Variants in RAI2 observed in about 807,000 individuals in gnomAD.
RAI2 encodes the protein retinoic acid-induced protein 2.
RAI2 carries 5 observed loss-of-function variants against 15.3 expected under a neutral mutation model. The ratio of observed to expected loss-of-function variants is 0.33; its 90% CI spans 0.17 to 0.69. The LOEUF (loss-of-function observed/expected upper bound fraction) is 0.69. RAI2 is among the 30% of genes least tolerant of loss of function. The probability of loss-of-function intolerance (pLI) is 0.69; values close to 1 mark genes in which losing one functional copy is unlikely to be tolerated. For synonymous variants in RAI2, 191 were observed against 184.0 expected, an observed-to-expected ratio of 1.04 and a Z score of -0.31; for missense variants, 424 against 424.7, an observed-to-expected ratio of 1.00 and a Z score of 0.01.
At chrX:17,826,871 G>A (rs934276771) in intron 1 of RAI2, among the ~76,000 whole-genome samples, 33 of 111,946 alleles carry the variant, frequency 2.9e-4, no homozygotes, top group Middle Eastern at 4.6e-3. Flanking sequence ...ATAATTGTAA[G>A]TTTCCTGAGA....
At chrX:17,810,445 TTGAAA>T (rs1394228831) in intron 1 of RAI2, among the ~76,000 whole-genome samples, 2 of 112,771 alleles carry the variant, frequency 1.8e-5, no homozygotes, top group African/African-American at 6.4e-5. Context: ...AGATAAGTCA[TTGAAA>T]TGAAGAGATT....
intron 1 of RAI2, among the ~76,000 whole-genome samples, chrX:17,851,606 G>GCT (rs1441299948): frequency 9.0e-6 from 1 of 111,411 alleles, no homozygotes; most frequent in Admixed American, 9.5e-5. Flanking sequence ...TCCATTGATT[G>GCT]CTAGCCAATC....
intron 1 of RAI2, among the ~76,000 whole-genome samples, chrX:17,849,186 G>A (rs1211660034): frequency 8.9e-6 from 1 of 112,414 alleles, no homozygotes; most frequent in Non-Finnish European, 1.9e-5. Flanking sequence ...TTTGTCTAGA[G>A]GGAGGAAGAG....
chrX:17,856,635 C>T (rs770702840), intron 1 of RAI2, among the ~76,000 whole-genome samples: 3 of 112,619 alleles, frequency 2.7e-5, no homozygotes, highest in African/African-American at 9.7e-5. Context: ...CCATGTTTTG[C>T]GGTGCTGCCC....
At chrX:17,809,492 T>C (rs965775562) in intron 1 of RAI2, among the ~76,000 whole-genome samples, 1 of 112,027 alleles carries the variant, frequency 8.9e-6, no homozygotes, top group African/African-American at 3.2e-5. Flanking sequence ...ATAAAACTTA[T>C]TTATGTTTGT....
rs765964706 is a variant in RAI2 at position 17,850,167 on chromosome X, T to C, written c.-25+10931A>G. 6.2e-5 allele frequency among the ~76,000 whole-genome samples: 7 copies of C among 112,077 alleles called. No homozygotes were observed. In the South Asian group the frequency reaches 1.9e-3, roughly 30 times the overall value. ...ACTTTTATTCAACCTTATTAGGGAA[T>C]AAGGGGCCACTGAATGTTCTTGAGC... On this transcript the variant is annotated intron_variant, in intron 1 of 1. Coordinates refer to ENST00000451717, the MANE Select transcript of RAI2 (RefSeq NM_021785.6).
At chrX:17,837,896 T>C (rs1053103795) in intron 1 of RAI2, among the ~76,000 whole-genome samples, 1 of 112,363 alleles carries the variant, frequency 8.9e-6, no homozygotes, top group African/African-American at 3.2e-5. Flanking sequence ...GCAGCTTTAT[T>C]TGCAATAGCC....
At chrX:17,841,998 GTGGGC>G (rs2067403338) in intron 1 of RAI2, among the ~76,000 whole-genome samples, 1 of 112,093 alleles carries the variant, frequency 8.9e-6, no homozygotes, top group Non-Finnish European at 1.9e-5. Context: ...TAGAAAGAAA[GTGGGC>G]AAAGTACTAG....
chrX:17,809,092 G>T (rs1195952770), intron 1 of RAI2, among the ~76,000 whole-genome samples: 1 of 112,147 alleles, frequency 8.9e-6, no homozygotes, highest in African/African-American at 3.2e-5. Context: ...ATTACCACAT[G>T]AATGTAGTCT....
chrX:17,860,358 C>T (rs759340680), intron 1 of RAI2, among the ~76,000 whole-genome samples: 2 of 112,598 alleles, frequency 1.8e-5, no homozygotes, highest in African/African-American at 6.5e-5. Flanking sequence ...ATAACTCCCT[C>T]CGCAGCAAAA....
chrX:17,810,256 G>A (rs2067032470), intron 1 of RAI2, among the ~76,000 whole-genome samples: 2 of 111,834 alleles, frequency 1.8e-5, no homozygotes, highest in Non-Finnish European at 3.8e-5. Flanking sequence ...TTTAACACAC[G>A]AGCTATAGAG....
At chrX:17,855,141 G>T (rs1213535270) in intron 1 of RAI2, among the ~76,000 whole-genome samples, 1 of 112,018 alleles carries the variant, frequency 8.9e-6, no homozygotes, top group Non-Finnish European at 1.9e-5. Context: ...CATTTATTCT[G>T]TCTCCCTCGC....
At chrX:17,816,883 C>T (rs181117466) in intron 1 of RAI2, among the ~76,000 whole-genome samples, 1 of 111,346 alleles carries the variant, frequency 9.0e-6, no homozygotes, top group East Asian at 2.8e-4. Context: ...GGCACCACTT[C>T]CAGGCCTGGA....
At chrX:17,833,550 G>GCAAA (rs780381462) in intron 1 of RAI2, among the ~76,000 whole-genome samples, 1 of 111,224 alleles carries the variant, frequency 9.0e-6, no homozygotes, top group African/African-American at 3.3e-5. Context: ...AAGTTCAAAA[G>GCAAA]CAAACAAAAC....
intron 1 of RAI2, among the ~76,000 whole-genome samples, chrX:17,811,354 G>A (rs1335799344): frequency 8.9e-6 from 1 of 112,139 alleles, no homozygotes; most frequent in Non-Finnish European, 1.9e-5. Context: ...GCACCCTCAG[G>A]TGCTGCTGCT....
chrX:17,803,865 C>T (rs1373759006), intron 1 of RAI2, among the ~76,000 whole-genome samples: 1 of 111,847 alleles, frequency 8.9e-6, no homozygotes, highest in Non-Finnish European at 1.9e-5. Flanking sequence ...GGGGCTTGCC[C>T]TAGCTGAAGG....
At position 17,800,599 on chromosome X, in the gene RAI2, T is replaced by C. The variant is rs771322079; in HGVS notation, c.1412A>G (p.Glu471Gly). 2 of 1,211,577 alleles carry C rather than the reference T, an allele frequency of 1.7e-6. No homozygotes were observed. Among genetic ancestry groups the C allele is most frequent in the Non-Finnish European group, 2.2e-6 (2 of 895,385 alleles). ...GTCATAGCCCTGAAGCACGGAGTCT[T>C]CTCTTTTGAAGGAGAAGTTTTTGGT... ...VSTKNFSFKREDSVLQGYDIN... is the reference protein window; with the variant it reads ...VSTKNFSFKRGDSVLQGYDIN... The change falls in exon 2 of 2, where the codon GAA becomes GGA. Residue 471 changes from glutamate (E) to glycine (G), a missense_variant. Glu to Gly is a moderately conservative substitution (Grantham distance 98, BLOSUM62 -2). Transcript: ENST00000451717.
chrX:17,802,729 G>A (rs1342767372), intron 1 of RAI2, among the ~76,000 whole-genome samples: 2 of 111,363 alleles, frequency 1.8e-5, no homozygotes, highest in African/African-American at 6.5e-5. Flanking sequence ...TCTGATCTGT[G>A]GCCTCTCCTA....
chrX:17,801,013 C>G lies in RAI2; in HGVS notation c.998G>C (p.Ser333Thr). 8.3e-7 allele frequency: 1 copy of G among 1,211,575 alleles called. No homozygotes were observed. The highest frequency in any genetic ancestry group is 1.1e-6 in the Non-Finnish European group (1 of 895,478). ...TGCATCTTCCTGGAAGATTGGGGGA[C>G]TGACTTCACCAGCCTTGAGCCAGGG... The part of the protein sequence containing the change: ...SVPWLKAGEV[S>T]PPIFQEDAAL... Residue 333 changes from serine (S) to threonine (T), a missense_variant, in exon 2 of 2, where the codon AGT becomes ACT. Coordinates refer to ENST00000451717, the MANE Select transcript of RAI2 (RefSeq NM_021785.6).
Sources: allele counts gnomAD v4.1 joint callset (sites outside exome capture counted in the v4.1 genomes callset), GRCh38; gene constraint gnomAD v4.1.1; transcripts MANE v1.5; gene names NCBI Gene and HGNC (gene_info 2026-07-23, HGNC 2026-07-21).